SPI1: variants seen among roughly 807,000 people sequenced by gnomAD.
SPI1 encodes Spi-1 proto-oncogene, also known as transcription factor PU.1.
In SPI1, 3 loss-of-function variants were observed where a neutral mutation model predicts 30.7. The ratio of observed to expected loss-of-function variants is 0.10; its 90% CI spans 0.04 to 0.25. SPI1 has a LOEUF of 0.25. Among genes scored for constraint, SPI1 ranks in the 10% least tolerant of loss-of-function variants. The pLI, the probability that SPI1 is intolerant of heterozygous loss-of-function variation, is 1.00. For missense variants in SPI1, 261 were observed against 371.5 expected, an observed-to-expected ratio of 0.70 and a Z score of 2.45; for synonymous variants, 169 against 157.1, an observed-to-expected ratio of 1.08 and a Z score of -0.56.
chr11:47,377,166 T>G (rs960157487), intron 1 of SPI1, among the ~76,000 whole-genome samples: 4 of 152,206 alleles, frequency 2.6e-5, no homozygotes, highest in African/African-American at 9.7e-5. Flanking sequence ...GCACTGAGCC[T>G]GCCCCTCTGG....
chr11:47,378,097 C>A, intron 1 of SPI1, among the ~76,000 whole-genome samples: 1 of 152,278 alleles, frequency 6.6e-6, no homozygotes, highest in Non-Finnish European at 1.5e-5. Context: ...ATCACAGCCC[C>A]ACCGTGGGCC....
intron 4 of SPI1, 158 bp downstream of exon 4, chr11:47,358,686 C>T (rs1425752103): frequency 1.3e-6 from 1 of 779,202 alleles, no homozygotes; most frequent in Admixed American, 2.0e-5. Context: ...ACAGAGACAG[C>T]CACAGACAGC....
At chr11:47,364,448 T>G (rs1295353467) in intron 2 of SPI1, among the ~76,000 whole-genome samples, 1 of 152,094 alleles carries the variant, frequency 6.6e-6, no homozygotes, top group East Asian at 1.9e-4. Flanking sequence ...GCTCTGGGAT[T>G]TGGTGAAATG....
intron 4 of SPI1, among the ~76,000 whole-genome samples, chr11:47,357,147 T>C (rs1026864005): frequency 6.8e-6 from 1 of 147,698 alleles, no homozygotes; most frequent in Non-Finnish European, 1.5e-5. Flanking sequence ...TGCTCACACC[T>C]CATACCTCAC....
At position 47,375,596 on chromosome 11, in the gene SPI1, G is replaced by C; in HGVS notation, c.142+37C>G. ...CTCCAGACCCCAGGAGCCCAGGCTG[G>C]GCTGGGGGATGGGGGCGTGGCAGGC... On this transcript the variant is annotated intron_variant, in intron 2 of 4. Transcript: ENST00000378538. This position sits in a 1 kb window ranked among gnomAD's most constrained non-coding sequence, Gnocchi z 4.2. 1 of 1,509,474 alleles carries C rather than the reference G, an allele frequency of 6.6e-7. No individual in the cohort carries two copies. Among genetic ancestry groups the C allele is most frequent in the African/African-American group, 1.4e-5 (1 of 72,822 alleles). The allele number at this position is 1,509,474 out of a possible 1,614,324, so 93.5% of individuals were successfully genotyped here.
At position 47,378,456 on chromosome 11, in the gene SPI1, G is replaced by A; in HGVS notation, c.-103C>T. The A allele has an allele frequency of 7.5e-7, 1 of 1,326,408 alleles. No homozygotes were observed. The highest frequency in any genetic ancestry group is 1.1e-6 in the Non-Finnish European group (1 of 946,828). 82.2% of individuals were successfully genotyped at this position (1,326,408 alleles called of 1,614,324 possible). A position where few individuals can be genotyped will look rare whatever the true frequency, so the allele number is the denominator to read the frequency against. On this transcript the variant is annotated 5_prime_UTR_variant, in exon 1 of 5. Transcript: ENST00000378538. The stretch of plus-strand genomic sequence containing the variant: ...TCAGGGGCTGGACGGTCGTGGGGCG[G>A]GTGCAGGGCTCAGGCCTGCCCCCTG...
At chr11:47,373,679 T>C (rs2095938803) in intron 2 of SPI1, among the ~76,000 whole-genome samples, 1 of 148,716 alleles carries the variant, frequency 6.7e-6, no homozygotes, top group Admixed American at 6.7e-5. Flanking sequence ...ACAGCCCAAA[T>C]GCCCTGATTG....
chr11:47,370,612 G>A (rs1349670245), intron 2 of SPI1, among the ~76,000 whole-genome samples: 1 of 152,168 alleles, frequency 6.6e-6, no homozygotes, highest in Admixed American at 6.5e-5. Context: ...TGAGGCAGGA[G>A]AATTGCTTGA....
chr11:47,358,747 C>G (rs778192103), intron 4 of SPI1, 97 bp downstream of exon 4: 5 of 1,226,782 alleles, frequency 4.1e-6, no homozygotes, highest in Non-Finnish European at 5.8e-6. Flanking sequence ...ACACGCGACT[C>G]GGTGGCGTGG....
intron 1 of SPI1, among the ~76,000 whole-genome samples, chr11:47,376,306 C>T (rs1474399648): frequency 6.6e-6 from 1 of 152,132 alleles, no homozygotes; most frequent in Non-Finnish European, 1.5e-5. Context: ...CACACACACT[C>T]ACACCCCCAG....
At chr11:47,368,508 G>C (rs913832629) in intron 2 of SPI1, among the ~76,000 whole-genome samples, 13 of 152,216 alleles carry the variant, frequency 8.5e-5, no homozygotes, top group Non-Finnish European at 1.5e-4. Flanking sequence ...CACCCTAAGT[G>C]TCGGACGGCT....
chr11:47,365,686 C>T (rs1042421350), intron 2 of SPI1, among the ~76,000 whole-genome samples: 3 of 144,486 alleles, frequency 2.1e-5, no homozygotes, highest in Non-Finnish European at 4.6e-5. Flanking sequence ...CCTGTGGTGA[C>T]GCTGAGAGAT....
rs768055868 is a variant in SPI1 at position 47,378,425 on chromosome 11, G to A, written c.-72C>T. Reference sequence around the variant, plus strand: ...AATGCAGAGCCCCTCAGGATGGGGTGCCCCGTCAGGGGCTGGACGGTCGTG... The same window carrying A: ...AATGCAGAGCCCCTCAGGATGGGGTACCCCGTCAGGGGCTGGACGGTCGTG... On this transcript the variant is annotated 5_prime_UTR_variant, in exon 1 of 5. Transcript: ENST00000378538. The A allele has an allele frequency of 2.0e-4, 306 of 1,531,280 alleles. No individual in the cohort carries two copies. The highest frequency in any genetic ancestry group is 2.4e-4 in the Non-Finnish European group (268 of 1,122,918). 94.9% of individuals were successfully genotyped at this position (1,531,280 alleles called of 1,614,324 possible).
chr11:47,373,978 G>T (rs1023406405), intron 2 of SPI1, among the ~76,000 whole-genome samples: 13 of 152,262 alleles, frequency 8.5e-5, no homozygotes, highest in Non-Finnish European at 1.9e-4. Context: ...GGCTGCAAAA[G>T]GCCCAAAGGA....
intron 4 of SPI1, among the ~76,000 whole-genome samples, chr11:47,357,194 T>C (rs982583364): frequency 2.0e-5 from 3 of 148,928 alleles, no homozygotes; most frequent in Non-Finnish European, 4.5e-5. Flanking sequence ...CACACACACC[T>C]GCCCACACAT....
Position 47,375,667 on chromosome 11 carries a change from G to A in SPI1, c.108C>T (p.Tyr36=). ...DLYQRQTHEY[Y]PYLSSDGESH... is the part of the protein sequence containing the mutation. ...TCTCCCCATCACTGCTGAGATAGGGGTAATACTCGTGCGTTTGGCGTTGGT... is the reference window on the plus strand; with the variant it reads ...TCTCCCCATCACTGCTGAGATAGGGATAATACTCGTGCGTTTGGCGTTGGT... The change falls in exon 2 of 5, where the codon TAC becomes TAT. Residue 36 remains tyrosine (Y), a synonymous_variant. Transcript: ENST00000378538. The surrounding 1 kb of genome is among the most constrained non-coding windows in gnomAD (Gnocchi z 4.2). 6.2e-7 allele frequency: 1 copy of A among 1,614,052 alleles called. No homozygotes were observed. Among genetic ancestry groups the A allele is most frequent in the Non-Finnish European group, 8.5e-7 (1 of 1,179,918 alleles).
chr11:47,361,247 G>A (rs1329632966), intron 2 of SPI1, among the ~76,000 whole-genome samples: 1 of 152,178 alleles, frequency 6.6e-6, no homozygotes, highest in Non-Finnish European at 1.5e-5. Context: ...CATGGCCAAG[G>A]TGTGACAGCA....
chr11:47,366,946 G>T (rs1418476502), intron 2 of SPI1, among the ~76,000 whole-genome samples: 2 of 152,178 alleles, frequency 1.3e-5, no homozygotes, highest in Non-Finnish European at 2.9e-5. Context: ...TCTTTTCCTT[G>T]TTACAAAGAT....
chr11:47,356,342 TCACACA>T (rs141558426), intron 4 of SPI1, among the ~76,000 whole-genome samples: 2 of 149,594 alleles, frequency 1.3e-5, no homozygotes, highest in Admixed American at 1.3e-4. Flanking sequence ...CACAACCCAC[TCACACA>T]CACCTGGTCA....
Sources: allele counts gnomAD v4.1 joint callset (sites outside exome capture counted in the v4.1 genomes callset), GRCh38; gene constraint gnomAD v4.1.1; non-coding constraint Gnocchi (gnomAD v3.1); transcripts MANE v1.5; gene names NCBI Gene and HGNC (gene_info 2026-07-23, HGNC 2026-07-21).